The following FAF1 variants were observed in gnomAD, a reference collection of about 807,000 sequenced individuals.
FAF1 encodes FAS-associated factor 1.
A neutral mutation model predicts 92.5 loss-of-function variants in FAF1; 25 were observed. That is an observed-to-expected ratio of 0.27 (90% CI 0.20 to 0.38). The LOEUF is 0.38. FAF1 is among the 10% of genes least tolerant of loss of function. The pLI, the probability that FAF1 is intolerant of heterozygous loss-of-function variation, is 1.00. For synonymous variants in FAF1, 234 were observed against 273.2 expected (o/e 0.86, Z 1.42); for missense variants, 636 against 793.3 (o/e 0.80, Z 2.38).
At chr1:50,691,731 T>C (rs775483994) in intron 7 of FAF1, among the ~76,000 whole-genome samples, 1 of 152,104 alleles carries the variant, frequency 6.6e-6, no homozygotes, top group Non-Finnish European at 1.5e-5. Context: ...GCTGGCATTA[T>C]AGGCATGCAC....
At chr1:50,830,449 AG>A (rs906243464) in intron 2 of FAF1, among the ~76,000 whole-genome samples, 2 of 152,214 alleles carry the variant, frequency 1.3e-5, no homozygotes, top group African/African-American at 2.4e-5. Flanking sequence ...ATTGGGAAAA[AG>A]GTTGTTCTTA....
intron 1 of FAF1, among the ~76,000 whole-genome samples, chr1:50,860,549 T>C (rs972621603): frequency 6.6e-6 from 1 of 151,822 alleles, no homozygotes; most frequent in Non-Finnish European, 1.5e-5. Context: ...TACAATGACA[T>C]ACCATCTCAC....
At chr1:50,539,276 A>G (rs1648645998) in intron 14 of FAF1, among the ~76,000 whole-genome samples, 2 of 152,238 alleles carry the variant, frequency 1.3e-5, no homozygotes, top group African/African-American at 4.8e-5. Context: ...CAATAAATCA[A>G]TATAAATAGA....
chr1:50,564,128 C>T (rs914883054), intron 13 of FAF1, among the ~76,000 whole-genome samples: 5 of 152,076 alleles, frequency 3.3e-5, no homozygotes, highest in East Asian at 1.9e-4. Flanking sequence ...AGAACTAATG[C>T]CTCTATAGGC....
chr1:50,835,091 A>T (rs1490921474), intron 2 of FAF1, among the ~76,000 whole-genome samples: 1 of 152,210 alleles, frequency 6.6e-6, no homozygotes, highest in Non-Finnish European at 1.5e-5. Flanking sequence ...CACAGATGTG[A>T]GGAAGTATGT....
intron 13 of FAF1, among the ~76,000 whole-genome samples, chr1:50,565,382 C>A (rs1412523729): frequency 6.6e-6 from 1 of 152,030 alleles, no homozygotes; most frequent in Non-Finnish European, 1.5e-5. Flanking sequence ...TCCTATCATA[C>A]TTAATAGTCA....
rs989803641 is a variant in FAF1 at position 50,441,243 on chromosome 1, G to A, written c.*197C>T. ...AGAGTTGTAATTCTCTGTAATAAGG[G>A]TTGGGAATATATACTCATGGATGGG... On this transcript the variant is annotated 3_prime_UTR_variant, in exon 19 of 19. Coordinates refer to ENST00000396153, the MANE Select transcript of FAF1 (RefSeq NM_007051.3). 2.1e-6 allele frequency: 1 copy of A among 486,326 alleles called. No individual in the cohort carries two copies. Among genetic ancestry groups the A allele is most frequent in the African/African-American group, 2.0e-5 (1 of 50,778 alleles). 30.1% of individuals were successfully genotyped at this position (486,326 alleles called of 1,614,324 possible).
intron 2 of FAF1, among the ~76,000 whole-genome samples, chr1:50,842,312 G>C (rs995659235): frequency 6.6e-6 from 1 of 151,892 alleles, no homozygotes; most frequent in African/African-American, 2.4e-5. Flanking sequence ...AAGAGTCAAG[G>C]GTCTGGGTAA....
Position 50,440,197 on chromosome 1 carries a change from G to C in FAF1, c.*1243C>G, listed in dbSNP as rs138067885. The C allele has an allele frequency of 2.5e-4, 38 of 152,264 alleles. No homozygotes were observed. Among genetic ancestry groups the C allele is most frequent in the African/African-American group, 8.7e-4 (36 of 41,548 alleles). 9.4% of individuals were successfully genotyped at this position (152,264 alleles called of 1,614,324 possible). On this transcript the variant is annotated 3_prime_UTR_variant, in exon 19 of 19. Coordinates refer to ENST00000396153, the MANE Select transcript of FAF1 (RefSeq NM_007051.3). ...AAACAGATATGGAGAAATATTTCAA[G>C]ACTAAAAATAAATCATTGGCTGTGA...
At position 50,460,601 on chromosome 1, in the gene FAF1, A is replaced by ATGTGTG. The variant is rs761777414; in HGVS notation, c.1869+14857_1869+14862dup. Among the ~76,000 whole-genome samples the ATGTGTG allele has an allele frequency of 3.3e-5, 5 of 149,608 alleles. No individual in the cohort carries two copies. In the East Asian group the frequency reaches 5.8e-4, roughly 17 times the overall value. On this transcript the variant is annotated intron_variant, in intron 18 of 18. Coordinates refer to ENST00000396153, the MANE Select transcript of FAF1 (RefSeq NM_007051.3). ...TGTATGTGTGTGTGTATGTATATATATGTGTGTGTGTGTGTGTGTGTGTTT... is the reference window on the plus strand; with the variant it reads ...TGTATGTGTGTGTGTATGTATATATATGTGTGTGTGTGTGTGTGTGTGTGTGTGTTT...
At position 50,922,320 on chromosome 1, in the gene FAF1, G is replaced by A. The variant is rs113075317; in HGVS notation, c.45+37447C>T. Among the ~76,000 whole-genome samples the A allele has an allele frequency of 8.0e-3, 1,200 of 150,588 alleles. 25 individuals are homozygous for A. Among genetic ancestry groups the A allele is most frequent in the African/African-American group, 0.027 (1,125 of 40,978 alleles). ...CTAAAAATACAAAAATTAGCTGAGC[G>A]TGGTGGCAGGCACCTGTAATCCCAG... is the stretch of plus-strand genomic sequence containing the variant. On this transcript the variant is annotated intron_variant, in intron 1 of 18. Coordinates refer to ENST00000396153, the MANE Select transcript of FAF1 (RefSeq NM_007051.3).
intron 7 of FAF1, among the ~76,000 whole-genome samples, chr1:50,691,527 C>A (rs909412430): frequency 2.6e-5 from 4 of 152,222 alleles, no homozygotes; most frequent in African/African-American, 7.2e-5. Flanking sequence ...CCGGCATGAA[C>A]CACTGCATAC....
intron 7 of FAF1, 113 bp from the exon 8 acceptor site, chr1:50,655,641 A>G (rs543950011): frequency 1.5e-6 from 1 of 652,442 alleles, no homozygotes; most frequent in South Asian, 2.6e-5. Context: ...GATTCAAAAC[A>G]AGAATTTGAA....
intron 6 of FAF1, among the ~76,000 whole-genome samples, chr1:50,714,821 C>G (rs1658105228): frequency 1.3e-5 from 2 of 152,092 alleles, no homozygotes; most frequent in Non-Finnish European, 2.9e-5. Flanking sequence ...GTCTATTTTC[C>G]ATGTTCTCAG....
intron 18 of FAF1, among the ~76,000 whole-genome samples, chr1:50,457,056 GT>G (rs1479586694): frequency 6.6e-6 from 1 of 151,466 alleles, no homozygotes; most frequent in African/African-American, 2.4e-5. Flanking sequence ...TAGAAAATAG[GT>G]TTTTTTCCCC....
intron 7 of FAF1, among the ~76,000 whole-genome samples, chr1:50,675,797 T>C (rs542534750): frequency 2.0e-5 from 3 of 152,248 alleles, no homozygotes; most frequent in African/African-American, 7.2e-5. Context: ...CAGAAACAAA[T>C]GTTTATGATA....
intron 15 of FAF1, among the ~76,000 whole-genome samples, chr1:50,515,459 C>T (rs570183879): frequency 6.6e-6 from 1 of 152,254 alleles, no homozygotes; most frequent in Admixed American, 6.5e-5. Flanking sequence ...TCTGGCCCAC[C>T]TGCAGAGATT....
intron 1 of FAF1, among the ~76,000 whole-genome samples, chr1:50,913,916 T>C (rs1261407392): frequency 2.0e-5 from 3 of 152,156 alleles, no homozygotes; most frequent in Non-Finnish European, 4.4e-5. Context: ...GATGACCAAA[T>C]TGGTTTTTCA....
chr1:50,922,220 A>T (rs1459392001), intron 1 of FAF1, among the ~76,000 whole-genome samples: 1 of 151,692 alleles, frequency 6.6e-6, no homozygotes, highest in African/African-American at 2.4e-5. Context: ...ACACTTTGGG[A>T]GGCCAAGGCA....
Sources: gnomAD v4.1 joint callset for allele counts (sites outside exome capture counted in the v4.1 genomes callset) on GRCh38, gnomAD v4.1.1 for gene constraint, MANE v1.5 for transcripts, NCBI Gene and HGNC (gene_info 2026-07-23, HGNC 2026-07-21) for gene names.